The following WFDC10B variants were observed in gnomAD, a reference collection of about 807,000 sequenced individuals.
WFDC10B encodes WAP four-disulfide core domain 10B.
In WFDC10B, 1 loss-of-function variant was observed where a neutral mutation model predicts 2.7. The ratio of observed to expected loss-of-function variants is 0.38; its 90% CI spans 0.13 to 1.79. WFDC10B has a LOEUF of 1.79. Ranked by LOEUF, WFDC10B falls within the 40% of genes most tolerant of loss-of-function variation. The pLI is 0.33. For missense variants in WFDC10B, 71 were observed against 87.8 expected (o/e 0.81, Z 0.76); for synonymous variants, 26 against 32.2 (o/e 0.81, Z 0.65).
intron 2 of WFDC10B, among the ~76,000 whole-genome samples, chr20:45,698,367 G>A (rs970172629): frequency 6.6e-6 from 1 of 152,044 alleles, no homozygotes; most frequent in African/African-American, 2.4e-5. Context: ...TCATGACTAT[G>A]GATTGGGCAA....
chr20:45,687,532 T>C (rs925933084), intron 2 of WFDC10B, among the ~76,000 whole-genome samples: 3 of 152,218 alleles, frequency 2.0e-5, no homozygotes, highest in African/African-American at 7.2e-5. Context: ...TACCCAGTAA[T>C]GGGGTTGCTG....
In WFDC10B at chr20:45,704,554, G is replaced by C; in HGVS notation, c.-122C>G. 1 of 1,614,136 alleles carries C rather than the reference G, an allele frequency of 6.2e-7. No individual in the cohort carries two copies. Among genetic ancestry groups the C allele is most frequent in the Non-Finnish European group, 8.5e-7 (1 of 1,180,012 alleles). On this transcript the variant is annotated 5_prime_UTR_variant, in exon 2 of 4. Transcript: ENST00000330523. Reference sequence around the variant, plus strand: ...ATTTCAGTGCTGTTCCTCCTTCTGTGGGATAGTCTGTTCATCAGAAACATT... The same window carrying C: ...ATTTCAGTGCTGTTCCTCCTTCTGTCGGATAGTCTGTTCATCAGAAACATT...
At chr20:45,688,338 T>G (rs891635298) in intron 2 of WFDC10B, among the ~76,000 whole-genome samples, 6 of 152,098 alleles carry the variant, frequency 3.9e-5, no homozygotes, top group Non-Finnish European at 7.4e-5. Context: ...TAAACATACA[T>G]GTGCATGTGT....
At chr20:45,700,832 A>C (rs1466347625) in intron 2 of WFDC10B, among the ~76,000 whole-genome samples, 1 of 152,254 alleles carries the variant, frequency 6.6e-6, no homozygotes. Flanking sequence ...ACAGTGAGGC[A>C]TTAAAAATGG....
rs1983927407 is a variant in WFDC10B, at chr20:45,694,684, GGT to G, written c.-64-8630_-64-8629del. On this transcript the variant is annotated intron_variant, in intron 2 of 3. Transcript: ENST00000330523. Reference sequence around the variant, plus strand: ...AACTCTTGGAATTTCCTGAGTGATGGGTGTGTCTTTTGATATTCATAAGAAGC... The same window carrying G: ...AACTCTTGGAATTTCCTGAGTGATGGGTGTCTTTTGATATTCATAAGAAGC... Among the ~76,000 whole-genome samples, 3 of 152,208 alleles carry G rather than the reference GGT, an allele frequency of 2.0e-5. No homozygotes were observed. The South Asian group carries it at 6.2e-4, about 32-fold the overall frequency.
intron 2 of WFDC10B, 143 bp downstream of exon 2, chr20:45,704,354 G>T (rs1295782421): frequency 6.6e-7 from 1 of 1,512,978 alleles, no homozygotes; most frequent in African/African-American, 1.4e-5. Context: ...GAGGGTGGCA[G>T]GTTTCCTGGC....
intron 2 of WFDC10B, among the ~76,000 whole-genome samples, chr20:45,696,053 G>A (rs1354251977): frequency 1.2e-4 from 19 of 152,014 alleles, no homozygotes; most frequent in African/African-American, 2.9e-4. Context: ...TTGGGAGGCC[G>A]AGGCAGGCAG....
intron 3 of WFDC10B, 89 bp downstream of exon 3, chr20:45,685,813 G>T (rs999754396): frequency 2.6e-6 from 4 of 1,543,842 alleles, no homozygotes; most frequent in Middle Eastern, 4.6e-4. Context: ...CAGAAAGGTT[G>T]CAAGTCCTAG....
chr20:45,701,094 G>T (rs1015216026), intron 2 of WFDC10B, among the ~76,000 whole-genome samples: 1 of 152,210 alleles, frequency 6.6e-6, no homozygotes, highest in African/African-American at 2.4e-5. Context: ...TTTGGTGATG[G>T]TGCATCTATT....
chr20:45,690,010 C>T (rs1217189600), intron 2 of WFDC10B, among the ~76,000 whole-genome samples: 4 of 151,878 alleles, frequency 2.6e-5, no homozygotes, highest in African/African-American at 9.7e-5. Flanking sequence ...TTTTGAGATA[C>T]GTCCCATCAA....
At chr20:45,700,636 C>G (rs1434379441) in intron 2 of WFDC10B, among the ~76,000 whole-genome samples, 3 of 152,074 alleles carry the variant, frequency 2.0e-5, no homozygotes, top group Non-Finnish European at 4.4e-5. Context: ...CTGACATAAA[C>G]TAATTTAAAA....
At chr20:45,698,028 G>A (rs7271419) in intron 2 of WFDC10B, among the ~76,000 whole-genome samples, 7,169 of 152,192 alleles carry the variant, frequency 0.047, 336 homozygotes, top group East Asian at 0.22. Context: ...ATAGGTGTGA[G>A]CCACCACACC....
chr20:45,688,014 TCCCTCCC>T (rs1983682221), intron 2 of WFDC10B, among the ~76,000 whole-genome samples: 1 of 109,646 alleles, frequency 9.1e-6, no homozygotes, highest in Non-Finnish European at 1.8e-5. Flanking sequence ...CCCAATGCTA[TCCCTCCC>T]CCCTCCCCCC....
chr20:45,702,622 T>C lies in WFDC10B; in HGVS notation c.-65+1875A>G, dbSNP rs1226834140. Reference sequence around the variant, plus strand: ...AGAGAGACAACGAAGTTGGTAGAACTCAAGCTAGAATCTACATAACCTTGG... The same window carrying C: ...AGAGAGACAACGAAGTTGGTAGAACCCAAGCTAGAATCTACATAACCTTGG... On this transcript the variant is annotated intron_variant, in intron 2 of 3. Coordinates refer to ENST00000330523, the MANE Select transcript of WFDC10B (RefSeq NM_172006.2). 3.9e-5 allele frequency among the ~76,000 whole-genome samples: 6 copies of C among 152,324 alleles called. No homozygotes were observed. The East Asian group carries it at 1.2e-3, about 29-fold the overall frequency.
At chr20:45,688,018 TC>T (rs1366084788) in intron 2 of WFDC10B, among the ~76,000 whole-genome samples, 3 of 78,520 alleles carry the variant, frequency 3.8e-5, no homozygotes, top group Non-Finnish European at 7.1e-5. Flanking sequence ...ATGCTATCCC[TC>T]CCCCCTCCCC....
chr20:45,699,802 C>T (rs979436119), intron 2 of WFDC10B, among the ~76,000 whole-genome samples: 3 of 152,304 alleles, frequency 2.0e-5, no homozygotes, highest in Middle Eastern at 3.4e-3. Context: ...CCTCAGCCTC[C>T]TGAGTAGCTG....
intron 2 of WFDC10B, among the ~76,000 whole-genome samples, chr20:45,687,441 T>C (rs1206652694): frequency 1.3e-5 from 2 of 152,230 alleles, no homozygotes; most frequent in African/African-American, 2.4e-5. Flanking sequence ...ATTTCATGTC[T>C]TTGCTATTGT....
intron 2 of WFDC10B, among the ~76,000 whole-genome samples, chr20:45,697,093 C>T (rs914287864): frequency 1.3e-5 from 2 of 152,112 alleles, no homozygotes; most frequent in African/African-American, 4.8e-5. Flanking sequence ...CACTGCTAGT[C>T]AACATTGTAA....
At chr20:45,698,591 A>AAC (rs1568673619) in intron 2 of WFDC10B, among the ~76,000 whole-genome samples, 5 of 148,208 alleles carry the variant, frequency 3.4e-5, no homozygotes, top group Non-Finnish European at 6.0e-5. Flanking sequence ...AAAAAAAAAA[A>AAC]CCCAATTACA....
Sources: gnomAD v4.1 joint callset for allele counts (sites outside exome capture counted in the v4.1 genomes callset) on GRCh38, gnomAD v4.1.1 for gene constraint, MANE v1.5 for transcripts, NCBI Gene and HGNC (gene_info 2026-07-23, HGNC 2026-07-21) for gene names.